Variants in RHBDD1 observed in about 807,000 individuals in gnomAD.
RHBDD1 encodes rhomboid-related protein 4.
In RHBDD1, 38 loss-of-function variants were observed where a neutral mutation model predicts 36.3. That is an observed-to-expected ratio of 1.05 (90% CI 0.81 to 1.37). The LOEUF is 1.37. RHBDD1 is among the 40% of genes most tolerant of loss of function. The probability of loss-of-function intolerance (pLI) is 0.00; values close to 1 mark genes in which losing one functional copy is unlikely to be tolerated. For missense variants in RHBDD1, 393 were observed against 377.6 expected (o/e 1.04, Z -0.34); for synonymous variants, 151 against 136.5 (o/e 1.11, Z -0.74).
Position 226,996,912 on chromosome 2 carries a change from A to T in RHBDD1, c.*1390A>T, listed in dbSNP as rs902705027. 6.6e-6 allele frequency: 1 copy of T among 152,202 alleles called. No homozygotes were observed. The highest frequency in any genetic ancestry group is 1.5e-5 in the Non-Finnish European group (1 of 68,010). The allele number at this position is 152,202 out of a possible 1,614,324, so 9.4% of individuals were successfully genotyped here. A position where few individuals can be genotyped will look rare whatever the true frequency, so the allele number is the denominator to read the frequency against. On this transcript the variant is annotated 3_prime_UTR_variant, in exon 9 of 9. Transcript: ENST00000392062. ...AATATAAACAGAAATACAAATAAAT[A>T]CATACACAATTTTAAAGTCACCTGT...
chr2:226,876,284 T>TCCATTTACAG (rs1945234234), intron 5 of RHBDD1, among the ~76,000 whole-genome samples: 18 of 152,142 alleles, frequency 1.2e-4, no homozygotes, highest in South Asian at 4.1e-4. Context: ...ATTTACACTG[T>TCCATTTACAG]TGACATAGAC....
At chr2:226,903,018 C>G (rs2125605312) in intron 5 of RHBDD1, among the ~76,000 whole-genome samples, 2 of 152,186 alleles carry the variant, frequency 1.3e-5, no homozygotes, top group Middle Eastern at 6.8e-3. Flanking sequence ...GATTTGAAAC[C>G]AGAGTTTCAG....
At chr2:226,953,673 A>C (rs1240535511) in intron 8 of RHBDD1, among the ~76,000 whole-genome samples, 1 of 152,210 alleles carries the variant, frequency 6.6e-6, no homozygotes, top group Non-Finnish European at 1.5e-5. Flanking sequence ...ATCGTGAGCT[A>C]TTCTCCAGCT....
At chr2:226,962,703 A>G (rs1177541814) in intron 8 of RHBDD1, among the ~76,000 whole-genome samples, 1 of 152,254 alleles carries the variant, frequency 6.6e-6, no homozygotes. Context: ...GAGAAAAGGC[A>G]GACAAGGGAG....
intron 8 of RHBDD1, among the ~76,000 whole-genome samples, chr2:226,956,445 T>C (rs1285453046): frequency 6.6e-6 from 1 of 152,218 alleles, no homozygotes; most frequent in African/African-American, 2.4e-5. Flanking sequence ...CCTGGTGTTA[T>C]CAGGTGTTAC....
chr2:226,940,596 A>AT (rs1303207505), intron 8 of RHBDD1, among the ~76,000 whole-genome samples: 30 of 150,804 alleles, frequency 2.0e-4, no homozygotes, highest in African/African-American at 6.5e-4. Flanking sequence ...ATTATAATTC[A>AT]TTAAAAATTT....
At chr2:226,913,549 A>G (rs1948671435) in intron 7 of RHBDD1, among the ~76,000 whole-genome samples, 1 of 152,188 alleles carries the variant, frequency 6.6e-6, no homozygotes, top group African/African-American at 2.4e-5. Context: ...TTAATGGTGT[A>G]CCTAAGTTTG....
At chr2:226,976,308 A>T (rs1176552123) in intron 8 of RHBDD1, among the ~76,000 whole-genome samples, 1 of 148,580 alleles carries the variant, frequency 6.7e-6, no homozygotes, top group East Asian at 2.0e-4. Context: ...TGGAGACACC[A>T]CTAGACAAAG....
chr2:226,860,836 A>C (rs1369053316), intron 3 of RHBDD1, among the ~76,000 whole-genome samples: 1 of 152,214 alleles, frequency 6.6e-6, no homozygotes, highest in South Asian at 2.1e-4. Context: ...CGCATTAAGT[A>C]TACATTTACT....
At chr2:226,971,719 T>C (rs1229787237) in intron 8 of RHBDD1, among the ~76,000 whole-genome samples, 1 of 152,190 alleles carries the variant, frequency 6.6e-6, no homozygotes, top group Non-Finnish European at 1.5e-5. Flanking sequence ...TTGTTTCTTT[T>C]GGTTTGTTTT....
intron 5 of RHBDD1, among the ~76,000 whole-genome samples, chr2:226,902,691 A>G (rs1349396905): frequency 6.6e-6 from 1 of 152,234 alleles, no homozygotes; most frequent in African/African-American, 2.4e-5. Context: ...GAACACTTTT[A>G]TAAAGCTTAA....
intron 8 of RHBDD1, among the ~76,000 whole-genome samples, chr2:226,974,014 C>T (rs544014319): frequency 1.3e-5 from 2 of 152,302 alleles, no homozygotes; most frequent in African/African-American, 4.8e-5. Flanking sequence ...CCCTCACCGC[C>T]TTTCCACATG....
intron 5 of RHBDD1, among the ~76,000 whole-genome samples, chr2:226,879,072 CAAAAAAAA>C (rs916415771): frequency 3.6e-5 from 3 of 84,090 alleles, no homozygotes; most frequent in South Asian, 4.7e-4. Context: ...ACTGGCATTC[CAAAAAAAA>C]AAAAAAAAAA....
intron 3 of RHBDD1, among the ~76,000 whole-genome samples, chr2:226,843,621 A>G (rs1941910383): frequency 1.3e-5 from 2 of 152,178 alleles, no homozygotes; most frequent in South Asian, 4.1e-4. Flanking sequence ...GATGAAGCCA[A>G]CTTGATCGTG....
intron 5 of RHBDD1, among the ~76,000 whole-genome samples, chr2:226,879,126 G>T (rs1209516772): frequency 1.3e-5 from 2 of 151,864 alleles, no homozygotes; most frequent in Non-Finnish European, 2.9e-5. Context: ...TATAGAAAGG[G>T]TAAGTATTAT....
chr2:226,838,905 A>G (rs889280374), intron 2 of RHBDD1, among the ~76,000 whole-genome samples: 1 of 152,232 alleles, frequency 6.6e-6, no homozygotes, highest in African/African-American at 2.4e-5. Flanking sequence ...TCCAAAGGTC[A>G]GGGGATGAGT....
chr2:226,871,719 A>G (rs1245546722), intron 5 of RHBDD1, among the ~76,000 whole-genome samples: 1 of 152,138 alleles, frequency 6.6e-6, no homozygotes, highest in Non-Finnish European at 1.5e-5. Context: ...CTGGAAACTG[A>G]AAGTTGGGTC....
At position 226,865,021 on chromosome 2, in the gene RHBDD1, G is replaced by T. The variant is rs35731955; in HGVS notation, c.328G>T (p.Ala110Ser). The T allele has an allele frequency of 6.2e-7, 1 of 1,614,104 alleles. No homozygotes were observed. The highest frequency in any genetic ancestry group is 1.7e-5 in the Admixed American group (1 of 60,028). Residue 110 changes from alanine (A) to serine (S), a missense_variant, in exon 4 of 9, where the codon GCA becomes TCA. By Grantham distance (99) the Ala-to-Ser change is moderately conservative. Coordinates refer to ENST00000392062, the MANE Select transcript of RHBDD1 (RefSeq NM_001167608.3). ...TAGATGGTTTGCCTATGTTATCACC[G>T]CATTTTCTGTACTTACTGGAGTGGT... ...GSRWFAYVIT[A>S]FSVLTGVVYL...
chr2:226,831,339 T>C (rs535086223), upstream of RHBDD1, among the ~76,000 whole-genome samples: 40 of 152,342 alleles, frequency 2.6e-4, no homozygotes, highest in South Asian at 3.5e-3. Flanking sequence ...TCCAAAAAGA[T>C]GTGTTGAAGC....
Sources: gnomAD v4.1 joint callset for allele counts (sites outside exome capture counted in the v4.1 genomes callset) on GRCh38, gnomAD v4.1.1 for gene constraint, MANE v1.5 for transcripts, NCBI Gene and HGNC (gene_info 2026-07-23, HGNC 2026-07-21) for gene names.